EPHX2: variants seen among roughly 807,000 people sequenced by gnomAD.
The protein encoded by EPHX2 is epoxide hydrolase 2.
In EPHX2, 74 loss-of-function variants were observed where a neutral mutation model predicts 78.7. The observed-to-expected ratio is 0.94, with a 90% CI of 0.78 to 1.14. The LOEUF is 1.14. Among genes scored for constraint, EPHX2 ranks in the 50% most tolerant of loss-of-function variants. The pLI is 0.00. For missense variants in EPHX2, 715 were observed against 702.5 expected, an observed-to-expected ratio of 1.02 and a Z score of -0.20; for synonymous variants, 251 against 255.2, an observed-to-expected ratio of 0.98 and a Z score of 0.16.
intron 12 of EPHX2, among the ~76,000 whole-genome samples, chr8:27,526,192 G>A (rs1814840918): frequency 6.6e-6 from 1 of 152,240 alleles, no homozygotes; most frequent in South Asian, 2.1e-4. Context: ...CTCCACCTCT[G>A]CTCCTCTTAG....
rs1302297330 is a variant in EPHX2, at chr8:27,491,278, G to C, written c.70G>C (p.Gly24Arg). 3 of 1,576,202 alleles carry C rather than the reference G, an allele frequency of 1.9e-6. No individual in the cohort carries two copies. The highest frequency in any genetic ancestry group is 2.6e-6 in the Non-Finnish European group (3 of 1,170,672). ...GCTGCCAGCGGTGTTCGGCGTCCTC[G>C]GCCGCACGGAGGAGGCCCTGGCGCT... Reference protein sequence around the residue: ...LALPAVFGVLGRTEEALALPR... With the variant: ...LALPAVFGVLRRTEEALALPR... The change falls in exon 1 of 19, where the codon GGC becomes CGC. Residue 24 changes from glycine to arginine, a missense_variant. By Grantham distance (125) the Gly-to-Arg change is moderately radical. Transcript: ENST00000521400.
intron 8 of EPHX2, among the ~76,000 whole-genome samples, chr8:27,516,608 C>G (rs898357955): frequency 3.9e-5 from 6 of 152,154 alleles, no homozygotes; most frequent in African/African-American, 1.4e-4. Flanking sequence ...ATGAATACAG[C>G]AGCCCCTAAG....
Position 27,491,270 on chromosome 8 carries a change from G to C in EPHX2, c.62G>C (p.Gly21Ala), listed in dbSNP as rs72473930. ...DGVLALPAVF[G>A]VLGRTEEALA... The stretch of plus-strand genomic sequence containing the variant: ...GTGCTGGCGCTGCCAGCGGTGTTCG[G>C]CGTCCTCGGCCGCACGGAGGAGGCC... The change falls in exon 1 of 19, where the codon GGC becomes GCC. Residue 21 changes from glycine (G) to alanine (A), a missense_variant. Coordinates refer to ENST00000521400, the MANE Select transcript of EPHX2 (RefSeq NM_001979.6). The C allele has an allele frequency of 8.8e-5, 139 of 1,579,518 alleles. 1 individual carries two copies. The African/African-American group carries it at 1.7e-3, about 19-fold the overall frequency.
intron 14 of EPHX2, chr8:27,538,910 T>G (rs1296178155): frequency 1.7e-6 from 1 of 577,688 alleles, no homozygotes; most frequent in Non-Finnish European, 3.1e-6. Flanking sequence ...GGCTTCAAGA[T>G]CTTAAGCAGT....
At chr8:27,516,969 G>C (rs1170096627) in intron 8 of EPHX2, among the ~76,000 whole-genome samples, 1 of 141,366 alleles carries the variant, frequency 7.1e-6, no homozygotes, top group Non-Finnish European at 1.5e-5. Context: ...ACCCAGGCTA[G>C]AGTGCAATGG....
Position 27,531,341 on chromosome 8 carries a change from T to G in EPHX2, c.1171-5443T>G, listed in dbSNP as rs528788839. On this transcript the variant is annotated intron_variant, in intron 12 of 18. Coordinates refer to ENST00000521400, the MANE Select transcript of EPHX2 (RefSeq NM_001979.6). The stretch of plus-strand genomic sequence containing the variant: ...ATGTGGCAGGCGGCCCCCAGTGCCC[T>G]GGGTCCCTGTAGAGCCTTCTAAGTC... 4.6e-5 allele frequency among the ~76,000 whole-genome samples: 7 copies of G among 152,352 alleles called. No individual in the cohort carries two copies. In the East Asian group the frequency reaches 1.2e-3, roughly 25 times the overall value.
intron 4 of EPHX2, 118 bp downstream of exon 4, chr8:27,505,264 C>A: frequency 1.1e-6 from 1 of 943,240 alleles, no homozygotes; most frequent in South Asian, 1.5e-5. Context: ...TCTGAGTCCA[C>A]TTCTCCCAGA....
chr8:27,547,301 T>C, downstream of EPHX2, among the ~76,000 whole-genome samples: 1 of 152,226 alleles, frequency 6.6e-6, no homozygotes, highest in Non-Finnish European at 1.5e-5. Flanking sequence ...ACACGTCAAC[T>C]GTTGCAGTGG....
intron 6 of EPHX2, 169 bp downstream of exon 6, chr8:27,512,079 C>G: frequency 2.7e-6 from 1 of 363,948 alleles, no homozygotes; most frequent in Non-Finnish European, 4.8e-6. Context: ...GCCTGGGCAA[C>G]GGAGTGAAAC....
chr8:27,541,685 A>T, intron 16 of EPHX2, 143 bp downstream of exon 16: 1 of 809,036 alleles, frequency 1.2e-6, no homozygotes, highest in Admixed American at 2.2e-5. Context: ...GGGGTTTGGG[A>T]AGTGACTCCC....
chr8:27,540,428 A>G lies in EPHX2; in HGVS notation c.1277-126A>G, dbSNP rs1815359945. 51 of 727,404 alleles carry G rather than the reference A, an allele frequency of 7.0e-5. 1 individual carries two copies. In the South Asian group the frequency reaches 8.4e-4, roughly 12 times the overall value. The allele number at this position is 727,404 out of a possible 1,614,324, so 45.1% of individuals were successfully genotyped here. ...ACTCTGGCAAAGGATAAGGGAACAA[A>G]AGATGGAGGCACTCATAAGGCCTTG... On this transcript the variant is annotated intron_variant, in intron 14 of 18. Transcript: ENST00000521400.
chr8:27,540,658 TAA>T lies in EPHX2; in HGVS notation c.1379+4_1379+5del. 3 of 1,613,394 alleles carry T rather than the reference TAA, an allele frequency of 1.9e-6. No homozygotes were observed. Among genetic ancestry groups the T allele is most frequent in the Non-Finnish European group, 2.5e-6 (3 of 1,179,408 alleles). On this transcript the variant is annotated splice_donor_region_variant and intron_variant, in intron 15 of 18. Coordinates refer to ENST00000521400, the MANE Select transcript of EPHX2 (RefSeq NM_001979.6). The stretch of plus-strand genomic sequence containing the variant: ...GCAGTTCAAGAAGTCTGGTTTCAGG[TAA>T]AGAGAGCACAGGGCCCAGACACAGA...
chr8:27,525,107 T>TGTGTGTGTGTGTGTGC (rs1491544464), intron 11 of EPHX2, among the ~76,000 whole-genome samples: 9 of 103,452 alleles, frequency 8.7e-5, no homozygotes, highest in African/African-American at 3.3e-4. Flanking sequence ...TGTGTGTGTG[T>TGTGTGTGTGTGTGTGC]GCGCGCGCGC....
chr8:27,546,644 G>T (rs1815581488), downstream of EPHX2, among the ~76,000 whole-genome samples: 1 of 152,160 alleles, frequency 6.6e-6, no homozygotes. Flanking sequence ...CAGCAAACCT[G>T]TCTTCCCGAA....
chr8:27,508,246 T>A (rs1414282726), intron 5 of EPHX2, among the ~76,000 whole-genome samples: 1 of 152,180 alleles, frequency 6.6e-6, no homozygotes, highest in East Asian at 1.9e-4. Flanking sequence ...GAGGTTGCAA[T>A]GATTCAAGAT....
At chr8:27,543,006 TCC>T (rs60846123) in intron 16 of EPHX2, among the ~76,000 whole-genome samples, 6 of 99,634 alleles carry the variant, frequency 6.0e-5, no homozygotes, top group African/African-American at 1.5e-4. Context: ...TCCCATCCTC[TCC>T]CCCCCCCGCC....
At chr8:27,534,525 C>A (rs941815776) in intron 12 of EPHX2, among the ~76,000 whole-genome samples, 12 of 151,826 alleles carry the variant, frequency 7.9e-5, no homozygotes, top group Non-Finnish European at 1.6e-4. Context: ...GATAGTGGGC[C>A]CCTGTAATCC....
intron 5 of EPHX2, 107 bp downstream of exon 5, chr8:27,507,101 ACTC>A: frequency 1.4e-6 from 2 of 1,402,498 alleles, no homozygotes; most frequent in Non-Finnish European, 1.9e-6. Context: ...TCCATGAATG[ACTC>A]CTGGGCACCG....
intron 9 of EPHX2, 58 bp downstream of exon 9, chr8:27,518,130 C>G: frequency 6.8e-7 from 1 of 1,460,472 alleles, no homozygotes. Context: ...GCTATAAACC[C>G]GAAGCTGGGG....
Sources: gnomAD v4.1 joint callset for allele counts (sites outside exome capture counted in the v4.1 genomes callset) on GRCh38, gnomAD v4.1.1 for gene constraint, MANE v1.5 for transcripts, NCBI Gene and HGNC (gene_info 2026-07-23, HGNC 2026-07-21) for gene names.